The following VWF variants were observed in gnomAD, a reference collection of about 807,000 sequenced individuals.
VWF encodes the protein Factor VIII related antigen.
A neutral mutation model predicts 308.6 loss-of-function variants in VWF; 176 were observed. The ratio of observed to expected loss-of-function variants is 0.57; its 90% CI spans 0.50 to 0.65. The LOEUF (loss-of-function observed/expected upper bound fraction) is 0.65. Ranked by LOEUF, VWF falls within the 30% of genes least tolerant of loss-of-function variation. The probability of loss-of-function intolerance (pLI) is 0.00; values close to 1 mark genes in which losing one functional copy is unlikely to be tolerated. For synonymous variants in VWF, 1,385 were observed against 1,443.4 expected, an observed-to-expected ratio of 0.96 and a Z score of 0.92; for missense variants, 3,146 against 3,648.2, an observed-to-expected ratio of 0.86 and a Z score of 3.55.
At chr12:5,987,806 G>A (rs1315060327) in intron 38 of VWF, among the ~76,000 whole-genome samples, 1 of 152,148 alleles carries the variant, frequency 6.6e-6, no homozygotes, top group African/African-American at 2.4e-5. Flanking sequence ...AATCTATAGT[G>A]ACAGAAAGCA....
chr12:6,031,390 T>TC, intron 21 of VWF, 54 bp downstream of exon 21: 1 of 1,614,014 alleles, frequency 6.2e-7, no homozygotes, highest in South Asian at 1.1e-5. Context: ...ATGTTCCTAT[T>TC]AAGTGGCAGA....
rs1398729647 is a variant in VWF, at chr12:6,060,624, A to G, written c.1533+2330T>C. 6.6e-6 allele frequency among the ~76,000 whole-genome samples: 1 copy of G among 152,180 alleles called. No individual in the cohort carries two copies. Among genetic ancestry groups the G allele is most frequent in the African/African-American group, 2.4e-5 (1 of 41,428 alleles). ...AAAAGAAAAATATATATAAAAAGAC[A>G]GTTCTATAGGCCATGGGGTCATCTG... On this transcript the variant is annotated intron_variant, in intron 13 of 51. Transcript: ENST00000261405. This position sits in a 1 kb window ranked among gnomAD's most constrained non-coding sequence, Gnocchi z 5.1.
At chr12:6,032,581 TGAGCC>T (rs1360248616) in intron 20 of VWF, among the ~76,000 whole-genome samples, 21 of 150,138 alleles carry the variant, frequency 1.4e-4, no homozygotes, top group African/African-American at 4.9e-4. Flanking sequence ...GAGCTTGCAG[TGAGCC>T]GAGATCGCAC....
chr12:6,114,374 C>A (rs1460649053), intron 3 of VWF, among the ~76,000 whole-genome samples: 1 of 152,160 alleles, frequency 6.6e-6, no homozygotes, highest in African/African-American at 2.4e-5. Flanking sequence ...CAGAGCTGAG[C>A]GGGTGCCACA....
intron 47 of VWF, 123 bp from the exon 48 acceptor site, chr12:5,953,717 G>T: frequency 1.3e-6 from 1 of 796,032 alleles, no homozygotes. Context: ...AATTCGGAAA[G>T]TCAACATCCA....
At chr12:5,972,159 C>T (rs761958485) in intron 43 of VWF, among the ~76,000 whole-genome samples, 1 of 152,224 alleles carries the variant, frequency 6.6e-6, no homozygotes, top group Non-Finnish European at 1.5e-5. Context: ...TGCTCACCAA[C>T]GTGCAGATTT....
rs770133697 is a variant in VWF, at chr12:5,981,965, C to T, written c.7108G>A (p.Val2370Met). 6 of 1,613,856 alleles carry T rather than the reference C, an allele frequency of 3.7e-6. No individual in the cohort carries two copies. In the East Asian group the frequency reaches 6.7e-5, roughly 18 times the overall value. Residue 2370 changes from valine (V) to methionine (M), a missense_variant, in exon 42 of 52, where the codon GTG (valine) becomes ATG (methionine). Physicochemically the swap from Val to Met is conservative, Grantham distance 21. Transcript: ENST00000261405. Reference protein sequence around the residue: ...CACRKEECKRVSPPSCPPHRL... With the variant: ...CACRKEECKRMSPPSCPPHRL... ...TGCGGGGGGCAGGAGGGTGGGGACA[C>T]TCTTTTGCACTCCTCCTTCCTGCAG...
intron 47 of VWF, among the ~76,000 whole-genome samples, chr12:5,964,278 ACATACATG>A (rs1198525442): frequency 7.2e-6 from 1 of 138,402 alleles, no homozygotes; most frequent in African/African-American, 3.4e-5. Context: ...ATACATGCAT[ACATACATG>A]CATACATACA....
chr12:5,989,412 C>A (rs1430534244), intron 38 of VWF, among the ~76,000 whole-genome samples: 2 of 151,552 alleles, frequency 1.3e-5, no homozygotes, highest in African/African-American at 2.4e-5. Flanking sequence ...GGTTTTTATT[C>A]TTTCTCTGCT....
chr12:6,030,895 G>A (rs1944254163), intron 21 of VWF, among the ~76,000 whole-genome samples: 3 of 152,048 alleles, frequency 2.0e-5, no homozygotes, highest in Non-Finnish European at 1.5e-5. Context: ...CGGGCACGGT[G>A]GTGTACACCT....
rs199623726 is a variant in VWF at position 6,052,658 on chromosome 12, G to T, written c.2071C>A (p.Pro691Thr). Residue 691 changes from proline (P) to threonine (T), a missense_variant, in exon 16 of 52, where the codon CCA becomes ACA. This residue lies in a region of VWF where 1,304 missense variants were observed against 1,353.0 expected (regional missense o/e 0.96). Coordinates refer to ENST00000261405, the MANE Select transcript of VWF (RefSeq NM_000552.5). ...EACLEGCFCP[P>T]GLYMDERGDC... ...CCCCTCTCATCCATGTAGAGCCCTG[G>T]GGGGCAGAAGCAGCCCTCCAGGCAG... The T allele has an allele frequency of 1.5e-4, 245 of 1,614,236 alleles. No homozygotes were observed. The highest frequency in any genetic ancestry group is 7.7e-4 in the Admixed American group (46 of 60,026).
intron 6 of VWF, among the ~76,000 whole-genome samples, chr12:6,080,411 C>A (rs556289439): frequency 1.3e-5 from 2 of 152,328 alleles, no homozygotes; most frequent in Admixed American, 1.3e-4. Flanking sequence ...TGGTTCTCAC[C>A]TAGAGGTGTC....
At chr12:6,121,937 A>G (rs755956500) in intron 2 of VWF, among the ~76,000 whole-genome samples, 10 of 152,084 alleles carry the variant, frequency 6.6e-5, no homozygotes, top group Non-Finnish European at 1.2e-4. Flanking sequence ...TCTCGAAAAA[A>G]AAAAGAAAAA....
At chr12:6,086,381 G>A (rs1944971722) in intron 6 of VWF, among the ~76,000 whole-genome samples, 1 of 152,132 alleles carries the variant, frequency 6.6e-6, no homozygotes, top group African/African-American at 2.4e-5. Flanking sequence ...GGGGCATAGT[G>A]GGTGGGCACC....
rs1235928221 is a variant in VWF at position 6,038,250 on chromosome 12, C to T, written c.2443-1759G>A. Among the ~76,000 whole-genome samples, 3 of 152,348 alleles carry T rather than the reference C, an allele frequency of 2.0e-5. No homozygotes were observed. The East Asian group carries it at 5.8e-4, about 29-fold the overall frequency. On this transcript the variant is annotated intron_variant, in intron 18 of 51. Transcript: ENST00000261405. The stretch of plus-strand genomic sequence containing the variant: ...TGTCAGCTCTGACTTAAGCCTGAGG[C>T]CCACCACCTAGTGGCTGCTATAAGA...
chr12:5,985,018 G>A (rs1943661442), intron 40 of VWF, 27 bp downstream of exon 40: 2 of 1,613,200 alleles, frequency 1.2e-6, no homozygotes. Context: ...TTGGGCCCTG[G>A]AGACATCCCC....
rs544451834 is a variant in VWF at position 6,066,508 on chromosome 12, A to G, written c.1157-1235T>C. Among the ~76,000 whole-genome samples the G allele has an allele frequency of 2.6e-5, 4 of 152,360 alleles. No homozygotes were observed. The South Asian group carries it at 8.3e-4, about 32-fold the overall frequency. Reference sequence around the variant, plus strand: ...TGTGAGTTCCTTTCTCTAAGGATCAAAGCAAAGATGAGGACACATAGAGTG... The same window carrying G: ...TGTGAGTTCCTTTCTCTAAGGATCAGAGCAAAGATGAGGACACATAGAGTG... On this transcript the variant is annotated intron_variant, in intron 10 of 51. Coordinates refer to ENST00000261405, the MANE Select transcript of VWF (RefSeq NM_000552.5).
intron 6 of VWF, among the ~76,000 whole-genome samples, chr12:6,084,206 T>C (rs1426404389): frequency 6.6e-6 from 1 of 152,238 alleles, no homozygotes; most frequent in Admixed American, 6.5e-5. Flanking sequence ...CAAATGCTTA[T>C]AACTATTCTC....
intron 38 of VWF, among the ~76,000 whole-genome samples, 188 bp from the exon 39 acceptor site, chr12:5,985,853 G>A (rs1420079120): frequency 1.3e-5 from 2 of 152,220 alleles, no homozygotes; most frequent in East Asian, 3.9e-4. Flanking sequence ...TCAGAAAGGT[G>A]GTTGCCACAT....
Sources: allele counts gnomAD v4.1 joint callset (sites outside exome capture counted in the v4.1 genomes callset), GRCh38; gene constraint gnomAD v4.1.1; regional missense constraint gnomAD v4.1.1; non-coding constraint Gnocchi (gnomAD v3.1); transcripts MANE v1.5; gene names NCBI Gene and HGNC (gene_info 2026-07-23, HGNC 2026-07-21).